Variants in ASXL3 observed in about 807,000 individuals in gnomAD.
ASXL3 encodes ASXL transcriptional regulator 3, also known as putative Polycomb group protein ASXL3.
A neutral mutation model predicts 170.6 loss-of-function variants in ASXL3; 34 were observed. The ratio of observed to expected loss-of-function variants is 0.20; its 90% CI spans 0.15 to 0.27. The LOEUF is 0.27. ASXL3 is among the 10% of genes least tolerant of loss of function. ASXL3 has a pLI of 1.00. For synonymous variants in ASXL3, 1,002 were observed against 989.1 expected, an observed-to-expected ratio of 1.01 and a Z score of -0.24; for missense variants, 2,592 against 2,695.3, an observed-to-expected ratio of 0.96 and a Z score of 0.85.
At chr18:33,637,337 T>C (rs1012023374) in intron 2 of ASXL3, among the ~76,000 whole-genome samples, 1 of 151,944 alleles carries the variant, frequency 6.6e-6, no homozygotes, top group Non-Finnish European at 1.5e-5. Flanking sequence ...AAACACAGAG[T>C]TAAACAGGAT....
At chr18:33,662,453 A>C (rs1458690921) in intron 5 of ASXL3, among the ~76,000 whole-genome samples, 7 of 152,188 alleles carry the variant, frequency 4.6e-5, no homozygotes, top group Admixed American at 4.6e-4. Flanking sequence ...GATTGATCCG[A>C]GAATTAGCTG....
At chr18:33,591,705 G>A (rs947472026) in intron 1 of ASXL3, among the ~76,000 whole-genome samples, 7 of 150,624 alleles carry the variant, frequency 4.6e-5, no homozygotes, top group Admixed American at 4.0e-4. Flanking sequence ...GCAGTGGCGC[G>A]ATCTCGGCTC....
At chr18:33,581,795 A>G (rs2064994721) in intron 1 of ASXL3, among the ~76,000 whole-genome samples, 1 of 152,192 alleles carries the variant, frequency 6.6e-6, no homozygotes, top group Non-Finnish European at 1.5e-5. Context: ...TCCTCAAAGA[A>G]GTGTGTAATG....
At chr18:33,706,698 TTG>T (rs2066965104) in intron 8 of ASXL3, among the ~76,000 whole-genome samples, 1 of 151,828 alleles carries the variant, frequency 6.6e-6, no homozygotes, top group African/African-American at 2.4e-5. Context: ...TCTTGTTGAT[TTG>T]TGTCAGATCT....
intron 2 of ASXL3, among the ~76,000 whole-genome samples, chr18:33,642,535 A>G (rs959634586): frequency 6.6e-6 from 1 of 152,030 alleles, no homozygotes; most frequent in Non-Finnish European, 1.5e-5. Flanking sequence ...CAAATGTTGT[A>G]TAGTTTTGAA....
At chr18:33,699,914 A>G (rs2066841202) in intron 8 of ASXL3, among the ~76,000 whole-genome samples, 1 of 152,054 alleles carries the variant, frequency 6.6e-6, no homozygotes, top group South Asian at 2.1e-4. Flanking sequence ...TTTCAGATAA[A>G]TATATCGCTT....
intron 8 of ASXL3, among the ~76,000 whole-genome samples, chr18:33,728,952 A>G (rs1161793864): frequency 6.6e-6 from 1 of 152,126 alleles, no homozygotes; most frequent in African/African-American, 2.4e-5. Context: ...ATATTGAAAA[A>G]GGTAATACAT....
intron 2 of ASXL3, among the ~76,000 whole-genome samples, chr18:33,631,107 C>T (rs1392940951): frequency 6.6e-6 from 1 of 151,806 alleles, no homozygotes; most frequent in East Asian, 1.9e-4. Context: ...TATGTATCTG[C>T]ATATGAAAAA....
intron 2 of ASXL3, chr18:33,616,759 G>C (rs530320844): frequency 5.9e-5 from 9 of 152,250 alleles, no homozygotes; most frequent in Admixed American, 3.3e-4. Context: ...GTAGCTGGCT[G>C]CCTTCTTGCT....
chr18:33,649,153 C>A (rs1478824978), intron 4 of ASXL3, among the ~76,000 whole-genome samples: 2 of 151,982 alleles, frequency 1.3e-5, no homozygotes, highest in Non-Finnish European at 2.9e-5. Flanking sequence ...AAATTATTCA[C>A]TAATGGGAAC....
chr18:33,650,058 A>C (rs1361258311), intron 4 of ASXL3, among the ~76,000 whole-genome samples: 2 of 152,064 alleles, frequency 1.3e-5, no homozygotes, highest in Non-Finnish European at 2.9e-5. Context: ...TGGAAAAAAG[A>C]TTGCCTTTTC....
In ASXL3 at chr18:33,749,965, A is replaced by G. The variant is rs2067858636; in HGVS notation, c.*3370A>G. 6.6e-6 allele frequency: 1 copy of G among 152,268 alleles called. No individual in the cohort carries two copies. Among genetic ancestry groups the G allele is most frequent in the Non-Finnish European group, 1.5e-5 (1 of 68,112 alleles). 9.4% of individuals were successfully genotyped at this position (152,268 alleles called of 1,614,324 possible). A position where few individuals can be genotyped will look rare whatever the true frequency, so the allele number is the denominator to read the frequency against. Reference sequence around the variant, plus strand: ...CATTTCCTTTACAAACCCCCGCACAATTTCAAAAGTGGAAGTTACCGTGGC... The same window carrying G: ...CATTTCCTTTACAAACCCCCGCACAGTTTCAAAAGTGGAAGTTACCGTGGC... On this transcript the variant is annotated 3_prime_UTR_variant, in exon 12 of 12. Transcript: ENST00000269197.
At chr18:33,597,211 T>C (rs1050280016) in intron 1 of ASXL3, among the ~76,000 whole-genome samples, 5 of 152,114 alleles carry the variant, frequency 3.3e-5, no homozygotes, top group Non-Finnish European at 4.4e-5. Flanking sequence ...TCTCCAGGAT[T>C]ACAATTATTA....
chr18:33,682,547 A>C (rs2066530273), intron 7 of ASXL3, among the ~76,000 whole-genome samples: 1 of 151,924 alleles, frequency 6.6e-6, no homozygotes, highest in South Asian at 2.1e-4. Context: ...TGGCTAATTT[A>C]TTTGTATTTT....
intron 8 of ASXL3, among the ~76,000 whole-genome samples, chr18:33,715,954 C>T (rs2067157335): frequency 1.3e-5 from 2 of 152,090 alleles, no homozygotes; most frequent in South Asian, 2.1e-4. Context: ...TAAGTCACAT[C>T]GACCTCATTT....
At position 33,585,013 on chromosome 18, in the gene ASXL3, T is replaced by C. The variant is rs996360208; in HGVS notation, c.54+6328T>C. The stretch of plus-strand genomic sequence containing the variant: ...TTAATTGATCTGTTACATGGAAGCG[T>C]AGGGAGGGCCCAAGCCTATGTCATA... On this transcript the variant is annotated intron_variant, in intron 1 of 11. Coordinates refer to ENST00000269197, the MANE Select transcript of ASXL3 (RefSeq NM_030632.3). Among the ~76,000 whole-genome samples the C allele has an allele frequency of 2.0e-5, 3 of 152,008 alleles. No individual in the cohort carries two copies. The East Asian group carries it at 5.8e-4, about 29-fold the overall frequency.
intron 1 of ASXL3, among the ~76,000 whole-genome samples, chr18:33,602,481 C>A (rs2065194481): frequency 6.6e-6 from 1 of 152,064 alleles, no homozygotes; most frequent in Non-Finnish European, 1.5e-5. Context: ...CATCTGAAGG[C>A]TATCAGTAAT....
At chr18:33,651,893 T>C (rs761322654) in intron 4 of ASXL3, among the ~76,000 whole-genome samples, 17 of 152,096 alleles carry the variant, frequency 1.1e-4, no homozygotes, top group Non-Finnish European at 2.1e-4. Context: ...CAAAGTTTTG[T>C]TGAAAAATTT....
chr18:33,720,945 A>T (rs796703306), intron 8 of ASXL3, among the ~76,000 whole-genome samples: 26 of 152,250 alleles, frequency 1.7e-4, no homozygotes, highest in African/African-American at 6.0e-4. Flanking sequence ...GGGAAATCCC[A>T]TGTAAGCACA....
Sources: allele counts gnomAD v4.1 joint callset (sites outside exome capture counted in the v4.1 genomes callset), GRCh38; gene constraint gnomAD v4.1.1; transcripts MANE v1.5; gene names NCBI Gene and HGNC (gene_info 2026-07-23, HGNC 2026-07-21).